The following LRRC4C variants were observed in gnomAD, a reference collection of about 807,000 sequenced individuals.
LRRC4C encodes the protein leucine rich repeat containing 4C.
In LRRC4C, 5 loss-of-function variants were observed where a neutral mutation model predicts 33.6. The ratio of observed to expected loss-of-function variants is 0.15; its 90% CI spans 0.08 to 0.31. The LOEUF is 0.31. Ranked by LOEUF, LRRC4C falls within the 10% of genes least tolerant of loss-of-function variation. The probability of loss-of-function intolerance (pLI) is 1.00; values close to 1 mark genes in which losing one functional copy is unlikely to be tolerated. For missense variants in LRRC4C, 560 were observed against 796.7 expected, an observed-to-expected ratio of 0.70 and a Z score of 3.58; for synonymous variants, 329 against 302.0, an observed-to-expected ratio of 1.09 and a Z score of -0.93.
At chr11:41,386,783 A>C (rs1169722437) in intron 1 of LRRC4C, among the ~76,000 whole-genome samples, 3 of 151,874 alleles carry the variant, frequency 2.0e-5, no homozygotes, top group Middle Eastern at 3.4e-3. Flanking sequence ...ACTGTATAGA[A>C]TACAGAATGG....
intron 1 of LRRC4C, among the ~76,000 whole-genome samples, chr11:41,084,784 G>A (rs1939836108): frequency 6.6e-6 from 1 of 152,144 alleles, no homozygotes; most frequent in Admixed American, 6.5e-5. Flanking sequence ...GGAAGGTGGA[G>A]GTTGCAGTGA....
chr11:40,767,726 A>C (rs1427235168), intron 2 of LRRC4C, among the ~76,000 whole-genome samples: 1 of 152,108 alleles, frequency 6.6e-6, no homozygotes, highest in African/African-American at 2.4e-5. Context: ...ATGACCAATA[A>C]GTCAATGAAT....
intron 5 of LRRC4C, among the ~76,000 whole-genome samples, chr11:40,227,554 G>C (rs1864898524): frequency 6.6e-6 from 1 of 152,156 alleles, no homozygotes; most frequent in Non-Finnish European, 1.5e-5. Flanking sequence ...GAGGGAAAGG[G>C]AAACACAGGG....
intron 1 of LRRC4C, among the ~76,000 whole-genome samples, chr11:41,113,954 C>T (rs1224341480): frequency 2.6e-5 from 4 of 151,888 alleles, no homozygotes; most frequent in Non-Finnish European, 5.9e-5. Flanking sequence ...TTAGATGAAT[C>T]TAAATATAAT....
intron 4 of LRRC4C, among the ~76,000 whole-genome samples, chr11:40,258,793 T>C (rs1281243055): frequency 6.6e-6 from 1 of 152,144 alleles, no homozygotes; most frequent in African/African-American, 2.4e-5. Context: ...CCTAAGTGGG[T>C]GAAGCAGAAA....
intron 3 of LRRC4C, among the ~76,000 whole-genome samples, chr11:40,629,350 C>A (rs564669137): frequency 6.6e-6 from 1 of 151,908 alleles, no homozygotes. Flanking sequence ...ATTTACAGAG[C>A]GAGATTCTCA....
chr11:40,621,720 T>C (rs531843808), intron 3 of LRRC4C, among the ~76,000 whole-genome samples: 2 of 151,912 alleles, frequency 1.3e-5, no homozygotes, highest in Middle Eastern at 3.4e-3. Flanking sequence ...GTCTAGTACA[T>C]GGTATGTGCT....
chr11:41,025,476 G>C (rs1213065721), intron 1 of LRRC4C, among the ~76,000 whole-genome samples: 1 of 150,840 alleles, frequency 6.6e-6, no homozygotes, highest in Non-Finnish European at 1.5e-5. Context: ...GACTAATCCA[G>C]ACCAATGTTC....
At chr11:40,221,352 G>A (rs1175210088) in intron 5 of LRRC4C, among the ~76,000 whole-genome samples, 1 of 152,210 alleles carries the variant, frequency 6.6e-6, no homozygotes, top group East Asian at 1.9e-4. Context: ...TTAAACTGAC[G>A]GATCAGTCTA....
At chr11:40,696,748 G>GTATGTATATATATATCTGAGTATA (rs1555147676) in intron 2 of LRRC4C, among the ~76,000 whole-genome samples, 86 of 125,896 alleles carry the variant, frequency 6.8e-4, no homozygotes, top group Non-Finnish European at 1.2e-3. Context: ...TATACACTGT[G>GTATGTATATATATATCTGAGTATA]TATATATATA....
At chr11:40,696,360 A>G (rs1053640140) in intron 2 of LRRC4C, among the ~76,000 whole-genome samples, 8 of 145,742 alleles carry the variant, frequency 5.5e-5, no homozygotes, top group African/African-American at 7.6e-5. Flanking sequence ...TATGTGGTAT[A>G]TATATGAGTG....
chr11:40,616,238 A>G (rs1961812286), intron 3 of LRRC4C, among the ~76,000 whole-genome samples: 1 of 151,942 alleles, frequency 6.6e-6, no homozygotes, highest in African/African-American at 2.4e-5. Context: ...TAGAATGGCG[A>G]TCATTAAAAA....
At chr11:40,177,828 TTGTC>T (rs1356446317) in intron 5 of LRRC4C, among the ~76,000 whole-genome samples, 7 of 152,322 alleles carry the variant, frequency 4.6e-5, no homozygotes, top group African/African-American at 1.7e-4. Flanking sequence ...GAACAGATCT[TTGTC>T]TGTATTTTTT....
chr11:41,150,764 C>T (rs1253485390), intron 1 of LRRC4C, among the ~76,000 whole-genome samples: 5 of 146,692 alleles, frequency 3.4e-5, no homozygotes, highest in African/African-American at 1.3e-4. Flanking sequence ...ACAACAGACT[C>T]CATCTCAAAA....
chr11:41,107,954 AGAGAAGG>A (rs1941606115), intron 1 of LRRC4C, among the ~76,000 whole-genome samples: 1 of 110,600 alleles, frequency 9.0e-6, no homozygotes, highest in Non-Finnish European at 1.8e-5. Flanking sequence ...AGAAAAGAGA[AGAGAAGG>A]GAGAGGGGAG....
At chr11:40,465,760 G>A (rs1952621243) in intron 3 of LRRC4C, among the ~76,000 whole-genome samples, 1 of 151,910 alleles carries the variant, frequency 6.6e-6, no homozygotes, top group Admixed American at 6.6e-5. Flanking sequence ...CCATCAGAAT[G>A]TCTATTACTA....
At chr11:40,387,942 T>C (rs1196414379) in intron 3 of LRRC4C, among the ~76,000 whole-genome samples, 1 of 152,178 alleles carries the variant, frequency 6.6e-6, no homozygotes, top group Non-Finnish European at 1.5e-5. Flanking sequence ...CATTCCATCT[T>C]ATTTTACCTC....
intron 3 of LRRC4C, among the ~76,000 whole-genome samples, chr11:40,335,065 TA>T (rs1946537964): frequency 6.6e-6 from 1 of 152,198 alleles, no homozygotes; most frequent in Non-Finnish European, 1.5e-5. Context: ...TGCTTGATAT[TA>T]TTTTTTAAAT....
chr11:40,888,465 C>T lies in LRRC4C; in HGVS notation c.-407+45170G>A, dbSNP rs538766090. Among the ~76,000 whole-genome samples the T allele has an allele frequency of 7.8e-4, 119 of 151,974 alleles. 1 individual carries two copies. The highest frequency in any genetic ancestry group is 1.4e-3 in the Non-Finnish European group (94 of 67,828). ...ATGAAAATATATTTTTCCACACTTG[C>T]GTTTAATATATAATTCAGGCAGAAT... On this transcript the variant is annotated intron_variant, in intron 2 of 6. Coordinates refer to ENST00000528697, the MANE Select transcript of LRRC4C (RefSeq NM_001258419.2).
Sources: gnomAD v4.1 joint callset for allele counts (sites outside exome capture counted in the v4.1 genomes callset) on GRCh38, gnomAD v4.1.1 for gene constraint, MANE v1.5 for transcripts, NCBI Gene and HGNC (gene_info 2026-07-23, HGNC 2026-07-21) for gene names.